Variants in KLHL3 observed in about 807,000 individuals in gnomAD.
The protein encoded by KLHL3 is kelch-like protein 3.
Under a neutral mutation model 70.5 loss-of-function variants are expected in KLHL3, and 19 were observed. That is an observed-to-expected ratio of 0.27 (90% CI 0.19 to 0.40). KLHL3 has a LOEUF of 0.40. Among genes scored for constraint, KLHL3 ranks in the 10% least tolerant of loss-of-function variants. KLHL3 has a pLI of 1.00. For missense variants in KLHL3, 512 were observed against 771.1 expected (o/e 0.66, Z 3.98); for synonymous variants, 258 against 290.3 (o/e 0.89, Z 1.13).
intron 7 of KLHL3, among the ~76,000 whole-genome samples, chr5:137,660,436 G>A (rs933554800): frequency 6.6e-6 from 1 of 152,172 alleles, no homozygotes; most frequent in Non-Finnish European, 1.5e-5. Flanking sequence ...ACAGTGGGAG[G>A]TTTGACTGAC....
intron 8 of KLHL3, among the ~76,000 whole-genome samples, chr5:137,648,003 C>A (rs1365564514): frequency 6.6e-6 from 1 of 152,172 alleles, no homozygotes. Flanking sequence ...TGATATGAAG[C>A]ACTTAGCACA....
intron 2 of KLHL3, among the ~76,000 whole-genome samples, chr5:137,717,144 C>A (rs935782467): frequency 2.0e-5 from 3 of 152,326 alleles, no homozygotes; most frequent in South Asian, 2.1e-4. Context: ...CTTGGTGAGA[C>A]CCCTATGGCC....
intron 13 of KLHL3, 23 bp from the exon 14 acceptor site, chr5:137,625,919 G>T: frequency 1.2e-6 from 2 of 1,613,938 alleles, no homozygotes; most frequent in Admixed American, 3.3e-5. Flanking sequence ...CAAAAGCCAT[G>T]GGAGACATCA....
chr5:137,730,901 G>A (rs1294410201), intron 1 of KLHL3, among the ~76,000 whole-genome samples: 10 of 151,920 alleles, frequency 6.6e-5, no homozygotes, highest in African/African-American at 2.2e-4. Context: ...TTAGATCTCT[G>A]ACCTGAGAGG....
At chr5:137,704,737 C>T (rs1752650833) in intron 3 of KLHL3, among the ~76,000 whole-genome samples, 1 of 152,192 alleles carries the variant, frequency 6.6e-6, no homozygotes, top group Admixed American at 6.5e-5. Context: ...TGTTGAACCA[C>T]AAGCCAAATT....
chr5:137,619,340 T>C lies in KLHL3; in HGVS notation c.*2758A>G, dbSNP rs571456908. 5 of 152,784 alleles carry C rather than the reference T, an allele frequency of 3.3e-5. No individual in the cohort carries two copies. The East Asian group carries it at 7.7e-4, about 24-fold the overall frequency. The allele number at this position is 152,784 out of a possible 1,614,324, so 9.5% of individuals were successfully genotyped here. On this transcript the variant is annotated 3_prime_UTR_variant, in exon 15 of 15. Coordinates refer to ENST00000309755, the MANE Select transcript of KLHL3 (RefSeq NM_017415.3). Reference sequence around the variant, plus strand: ...TAGATGGAGAGATGCCATTGGGTACTTATGAGAAATAACTTTGGAATTCAG... The same window carrying C: ...TAGATGGAGAGATGCCATTGGGTACCTATGAGAAATAACTTTGGAATTCAG...
intron 1 of KLHL3, among the ~76,000 whole-genome samples, chr5:137,728,091 G>A (rs1753113436): frequency 6.6e-6 from 1 of 152,128 alleles, no homozygotes; most frequent in African/African-American, 2.4e-5. Flanking sequence ...AAAGTGATGA[G>A]TTTGGGGTAT....
rs3045645 is a variant in KLHL3 at position 137,692,819 on chromosome 5, TACACAC to T, written c.364-378_364-373del. On this transcript the variant is annotated intron_variant, in intron 4 of 14. Coordinates refer to ENST00000309755, the MANE Select transcript of KLHL3 (RefSeq NM_017415.3). ...AACCACACTTTGAGTAACAAAACTC[TACACAC>T]ACACACACACACACACACACACACA... is the stretch of plus-strand genomic sequence containing the variant. 1.2e-3 allele frequency: 210 copies of T among 168,276 alleles called. 1 individual carries two copies. Among genetic ancestry groups the T allele is most frequent in the African/African-American group, 3.9e-3 (153 of 39,636 alleles). 10.4% of individuals were successfully genotyped at this position (168,276 alleles called of 1,614,324 possible).
intron 8 of KLHL3, among the ~76,000 whole-genome samples, chr5:137,642,089 T>G (rs1485215812): frequency 6.6e-6 from 1 of 152,220 alleles, no homozygotes; most frequent in Non-Finnish European, 1.5e-5. Flanking sequence ...AACCTACTCT[T>G]CAAGGGCAGA....
intron 6 of KLHL3, chr5:137,671,941 A>G (rs1023613400): frequency 1.3e-5 from 2 of 152,212 alleles, no homozygotes; most frequent in Non-Finnish European, 2.9e-5. Flanking sequence ...AACTTACTTC[A>G]ATACAAACTT....
intron 1 of KLHL3, among the ~76,000 whole-genome samples, chr5:137,724,143 A>C (rs1753049297): frequency 6.6e-6 from 1 of 152,246 alleles, no homozygotes; most frequent in Admixed American, 6.5e-5. Context: ...ACTGTAAAAT[A>C]CTCTACAAGT....
At chr5:137,706,034 A>C in intron 3 of KLHL3, 1 of 985,492 alleles carries the variant, frequency 1.0e-6, no homozygotes, top group Non-Finnish European at 1.2e-6. Flanking sequence ...ACACTCTCTG[A>C]TGGGCACTCA....
chr5:137,620,681 G>A lies in KLHL3; in HGVS notation c.*1417C>T, dbSNP rs890674123. 5 of 152,166 alleles carry A rather than the reference G, an allele frequency of 3.3e-5. No homozygotes were observed. The highest frequency in any genetic ancestry group is 2.1e-4 in the South Asian group (1 of 4,826). The allele number at this position is 152,166 out of a possible 1,614,324, so 9.4% of individuals were successfully genotyped here. ...GCCCCCTCAAATGCCCGCTCCTCAA[G>A]ATGCTTGAAGTTCTATTGTTAATAA... On this transcript the variant is annotated 3_prime_UTR_variant, in exon 15 of 15. Transcript: ENST00000309755.
intron 8 of KLHL3, among the ~76,000 whole-genome samples, chr5:137,642,747 A>G (rs1039101317): frequency 6.6e-6 from 1 of 152,242 alleles, no homozygotes; most frequent in Non-Finnish European, 1.5e-5. Context: ...TTCTGGAGAC[A>G]GTGAGGAAAA....
At chr5:137,636,857 G>T (rs1269417047) in intron 11 of KLHL3, among the ~76,000 whole-genome samples, 2 of 152,138 alleles carry the variant, frequency 1.3e-5, no homozygotes, top group East Asian at 1.9e-4. Context: ...CTAAGAAGAG[G>T]TGCCTACCTC....
At chr5:137,682,805 T>C (rs1752065621) in intron 5 of KLHL3, among the ~76,000 whole-genome samples, 1 of 152,178 alleles carries the variant, frequency 6.6e-6, no homozygotes, top group Non-Finnish European at 1.5e-5. Context: ...GCTCTAAAAT[T>C]ATTACTGCAC....
chr5:137,707,101 G>A (rs1002810215), intron 3 of KLHL3, among the ~76,000 whole-genome samples: 3 of 152,126 alleles, frequency 2.0e-5, no homozygotes, highest in Non-Finnish European at 2.9e-5. Flanking sequence ...AACATTCCAG[G>A]AAGATGAATA....
chr5:137,622,730 T>A (rs184627429), intron 14 of KLHL3, among the ~76,000 whole-genome samples: 1 of 152,236 alleles, frequency 6.6e-6, no homozygotes, highest in African/African-American at 2.4e-5. Flanking sequence ...CAGACATGTA[T>A]GCTATGTTAC....
chr5:137,663,146 C>G (rs1302020209), intron 6 of KLHL3, among the ~76,000 whole-genome samples: 2 of 149,860 alleles, frequency 1.3e-5, no homozygotes, highest in Non-Finnish European at 3.0e-5. Flanking sequence ...CAACCTCCAC[C>G]TCCCGGGTTA....
Sources: allele counts gnomAD v4.1 joint callset (sites outside exome capture counted in the v4.1 genomes callset), GRCh38; gene constraint gnomAD v4.1.1; transcripts MANE v1.5; gene names NCBI Gene and HGNC (gene_info 2026-07-23, HGNC 2026-07-21).